ALKBH8: variants seen among roughly 807,000 people sequenced by gnomAD.
ALKBH8 encodes alkB homolog 8, tRNA methyltransferase.
In ALKBH8, 36 loss-of-function variants were observed where a neutral mutation model predicts 59.8. That is an observed-to-expected ratio of 0.60 (90% CI 0.46 to 0.79). ALKBH8 has a LOEUF of 0.79. Ranked by LOEUF, ALKBH8 falls within the 30% of genes least tolerant of loss-of-function variation. The probability of loss-of-function intolerance (pLI) is 0.00; values close to 1 mark genes in which losing one functional copy is unlikely to be tolerated. For synonymous variants in ALKBH8, 276 were observed against 273.6 expected (o/e 1.01, Z -0.09); for missense variants, 768 against 801.0 (o/e 0.96, Z 0.50).
At chr11:107,539,066 G>C (rs936717708) in intron 7 of ALKBH8, among the ~76,000 whole-genome samples, 2 of 152,310 alleles carry the variant, frequency 1.3e-5, no homozygotes, top group Non-Finnish European at 2.9e-5. Context: ...CCCAAATGAA[G>C]TAAGAGTTTC....
intron 7 of ALKBH8, among the ~76,000 whole-genome samples, chr11:107,547,742 T>C (rs934110271): frequency 2.0e-5 from 3 of 152,190 alleles, no homozygotes; most frequent in African/African-American, 4.8e-5. Flanking sequence ...CTCTCAAAGG[T>C]ATTTTAAAAG....
chr11:107,554,100 T>C (rs1864609207), intron 3 of ALKBH8, 122 bp from the exon 4 acceptor site: 18 of 1,230,304 alleles, frequency 1.5e-5, no homozygotes, highest in Non-Finnish European at 1.8e-5. Context: ...GGAAACAAGA[T>C]TGCTGAAAGG....
chr11:107,534,665 G>A (rs1184071589), intron 7 of ALKBH8, among the ~76,000 whole-genome samples: 1 of 151,944 alleles, frequency 6.6e-6, no homozygotes, highest in East Asian at 1.9e-4. Flanking sequence ...CACCTGTCCT[G>A]GCATATACAA....
chr11:107,511,110 T>C (rs1008150273), intron 10 of ALKBH8, 74 bp from the exon 11 acceptor site: 4 of 1,439,822 alleles, frequency 2.8e-6, no homozygotes, highest in African/African-American at 1.4e-5. Flanking sequence ...ACTTATTCCA[T>C]ACCTTAAAGT....
intron 7 of ALKBH8, among the ~76,000 whole-genome samples, chr11:107,543,063 T>A (rs771755370): frequency 6.6e-6 from 1 of 152,150 alleles, no homozygotes; most frequent in Non-Finnish European, 1.5e-5. Flanking sequence ...GAGCTTTGAT[T>A]TAGACAAGTT....
At position 107,532,353 on chromosome 11, in the gene ALKBH8, AG is replaced by A. The variant is rs745855994; in HGVS notation, c.824del (p.Pro275LeufsTer7). 3 of 1,613,780 alleles carry A rather than the reference AG, an allele frequency of 1.9e-6. No individual in the cohort carries two copies. The African/African-American group carries it at 4.0e-5, about 22-fold the overall frequency. On this transcript the variant is annotated frameshift_variant, in exon 8 of 12. Coordinates refer to ENST00000428149, the MANE Select transcript of ALKBH8 (RefSeq NM_138775.3). LOFTEE classifies it high-confidence loss of function. ...CTGTCATCACCAGCAAACTCCGACGAGGCAACATAACTGGCACTGCAATGCC... is the reference window on the plus strand; with the variant it reads ...CTGTCATCACCAGCAAACTCCGACGAGCAACATAACTGGCACTGCAATGCC... Reference protein sequence around the residue: ...PDGIAVPVMLPRRSLLVMTGE... With the variant: ...PDGIAVPVMLXRRSLLVMTGE...
chr11:107,526,345 A>T (rs984248548), intron 8 of ALKBH8, among the ~76,000 whole-genome samples: 33 of 148,082 alleles, frequency 2.2e-4, no homozygotes, highest in African/African-American at 7.7e-4. Context: ...TGTGGTTTTA[A>T]GTTATTATTT....
Position 107,532,290 on chromosome 11 carries a change from C to T in ALKBH8, c.878+10G>A. The T allele has an allele frequency of 6.2e-7, 1 of 1,605,136 alleles. No homozygotes were observed. Among genetic ancestry groups the T allele is most frequent in the Non-Finnish European group, 8.5e-7 (1 of 1,173,736 alleles). On this transcript the variant is annotated intron_variant, in intron 8 of 11. Coordinates refer to ENST00000428149, the MANE Select transcript of ALKBH8 (RefSeq NM_138775.3). ...AAAGAAAAAGAATCCTGTCATATTT[C>T]AATACATACCCATGGGTCCAAAGGT...
At chr11:107,555,141 T>C (rs1437227849) in intron 3 of ALKBH8, among the ~76,000 whole-genome samples, 1 of 152,024 alleles carries the variant, frequency 6.6e-6, no homozygotes, top group Non-Finnish European at 1.5e-5. Flanking sequence ...GCACCTGTAG[T>C]CTCAGCTTCT....
intron 5 of ALKBH8, 114 bp from the exon 6 acceptor site, chr11:107,552,026 G>A: frequency 4.4e-6 from 2 of 455,454 alleles, no homozygotes; most frequent in South Asian, 9.4e-5. Flanking sequence ...TTAGCAGTCA[G>A]GTCCATTAAT....
intron 4 of ALKBH8, 56 bp from the exon 5 acceptor site, chr11:107,553,259 C>T: frequency 8.4e-7 from 1 of 1,187,138 alleles, no homozygotes; most frequent in South Asian, 1.5e-5. Context: ...CATTCCTTTG[C>T]ATATTTCAGT....
intron 10 of ALKBH8, among the ~76,000 whole-genome samples, chr11:107,511,774 C>A (rs1366611835): frequency 2.0e-5 from 3 of 151,910 alleles, no homozygotes; most frequent in African/African-American, 7.3e-5. Context: ...TGGGGTTTCT[C>A]CATGTTGGTC....
At chr11:107,522,872 G>A (rs1863181304) in intron 9 of ALKBH8, among the ~76,000 whole-genome samples, 1 of 151,962 alleles carries the variant, frequency 6.6e-6, no homozygotes, top group Non-Finnish European at 1.5e-5. Flanking sequence ...GCACACTGTT[G>A]GTGGGAATGT....
chr11:107,520,353 A>G lies in ALKBH8; in HGVS notation c.1287+1946T>C, dbSNP rs558442045. 2.0e-5 allele frequency among the ~76,000 whole-genome samples: 3 copies of G among 152,302 alleles called. No homozygotes were observed. In the South Asian group the frequency reaches 6.2e-4, roughly 32 times the overall value. ...TTATGATTTTCTAATCCTTCCAAAT[A>G]TATTCCCTCTGGAATCAGCTGCAGA... On this transcript the variant is annotated intron_variant, in intron 10 of 11. Transcript: ENST00000428149.
intron 7 of ALKBH8, 51 bp from the exon 8 acceptor site, chr11:107,532,457 C>G: frequency 1.4e-6 from 2 of 1,382,396 alleles, no homozygotes; most frequent in Non-Finnish European, 2.0e-6. Flanking sequence ...TCATATACTC[C>G]AAGGATAAGA....
At chr11:107,547,319 GA>G (rs1329847955) in intron 7 of ALKBH8, among the ~76,000 whole-genome samples, 1 of 152,164 alleles carries the variant, frequency 6.6e-6, no homozygotes, top group Non-Finnish European at 1.5e-5. Flanking sequence ...CAATAAAACA[GA>G]ACAGCACAAG....
chr11:107,564,586 TC>T (rs1865057963), intron 1 of ALKBH8, among the ~76,000 whole-genome samples: 1 of 152,210 alleles, frequency 6.6e-6, no homozygotes. Flanking sequence ...AAGGGAGCTT[TC>T]TTCTTTCATG....
At chr11:107,547,719 A>T (rs977582163) in intron 7 of ALKBH8, among the ~76,000 whole-genome samples, 1 of 152,208 alleles carries the variant, frequency 6.6e-6, no homozygotes, top group Non-Finnish European at 1.5e-5. Context: ...TCAAAATTAC[A>T]ATGATTCACT....
chr11:107,539,980 G>T (rs989461073), intron 7 of ALKBH8, among the ~76,000 whole-genome samples: 5 of 152,184 alleles, frequency 3.3e-5, no homozygotes, highest in African/African-American at 9.7e-5. Flanking sequence ...ATGAGCACAG[G>T]ATGGTGCCCT....
Sources: allele counts gnomAD v4.1 joint callset (sites outside exome capture counted in the v4.1 genomes callset), GRCh38; gene constraint gnomAD v4.1.1; transcripts MANE v1.5; gene names NCBI Gene and HGNC (gene_info 2026-07-23, HGNC 2026-07-21).